The following KANK1 variants were observed in gnomAD, a reference collection of about 807,000 sequenced individuals.
KANK1 encodes KN motif and ankyrin repeat domain-containing protein 1.
A neutral mutation model predicts 106.2 loss-of-function variants in KANK1; 109 were observed. The observed-to-expected ratio is 1.03, with a 90% CI of 0.88 to 1.20. The LOEUF is 1.20. Among genes scored for constraint, KANK1 ranks in the 50% most tolerant of loss-of-function variants. The probability of loss-of-function intolerance (pLI) is 0.00; values close to 1 mark genes in which losing one functional copy is unlikely to be tolerated. For missense variants in KANK1, 2,399 were observed against 1,710.7 expected (o/e 1.40, Z -7.10); for synonymous variants, 873 against 652.2 (o/e 1.34, Z -5.16).
chr9:624,267 T>G (rs1266757330), intron 1 of KANK1, among the ~76,000 whole-genome samples: 1 of 152,158 alleles, frequency 6.6e-6, no homozygotes, highest in African/African-American at 2.4e-5. Flanking sequence ...GGTACAAGCT[T>G]TCATTTATAA....
intron 2 of KANK1, among the ~76,000 whole-genome samples, chr9:679,025 C>A (rs1275113325): frequency 1.3e-5 from 2 of 152,156 alleles, no homozygotes; most frequent in South Asian, 2.1e-4. Flanking sequence ...TCTGTACTTA[C>A]CTTTTTTCTT....
rs548186599 is a variant in KANK1, at chr9:662,864, G to C, written c.-83-14026G>C. ...TTTAGTAGAGATGGGGTTTCACCTT[G>C]TTGGCCAGGTTGGTCTCAAACTCCT... On this transcript the variant is annotated intron_variant, in intron 1 of 11. Coordinates refer to ENST00000382297, the MANE Select transcript of KANK1 (RefSeq NM_015158.5). 7.5e-4 allele frequency among the ~76,000 whole-genome samples: 114 copies of C among 152,176 alleles called. 1 individual carries two copies. The highest frequency in any genetic ancestry group is 2.7e-3 in the African/African-American group (110 of 41,490).
chr9:608,005 C>G (rs533316066), intron 1 of KANK1, among the ~76,000 whole-genome samples: 5 of 145,674 alleles, frequency 3.4e-5, no homozygotes, highest in South Asian at 2.1e-4. Context: ...GACTAAAAAA[C>G]TTTCAGAATT....
chr9:539,086 G>A (rs2060452786), intron 1 of KANK1, among the ~76,000 whole-genome samples: 1 of 152,096 alleles, frequency 6.6e-6, no homozygotes, highest in Admixed American at 6.5e-5. Context: ...TCACCATGTT[G>A]GCCCAGCTGG....
At chr9:633,695 C>T (rs1189697311) in intron 1 of KANK1, among the ~76,000 whole-genome samples, 1 of 152,176 alleles carries the variant, frequency 6.6e-6, no homozygotes, top group Non-Finnish European at 1.5e-5. Context: ...CTTTGTCACC[C>T]AGGCTAGTGT....
At chr9:549,757 T>A (rs1308263937) in intron 1 of KANK1, 1 of 152,290 alleles carries the variant, frequency 6.6e-6, no homozygotes, top group African/African-American at 2.4e-5. Flanking sequence ...ATAGGAACTA[T>A]GAAGCGGGGT....
intron 1 of KANK1, among the ~76,000 whole-genome samples, chr9:607,118 C>T (rs1829400155): frequency 6.6e-6 from 1 of 151,796 alleles, no homozygotes; most frequent in African/African-American, 2.4e-5. Flanking sequence ...TCACCTTCCT[C>T]AATTCCTTTG....
chr9:625,296 A>G (rs1472616460), intron 1 of KANK1, among the ~76,000 whole-genome samples: 1 of 152,204 alleles, frequency 6.6e-6, no homozygotes, highest in Non-Finnish European at 1.5e-5. Context: ...AAAACCGTTA[A>G]GTATTTATCT....
At chr9:646,334 TA>T (rs201022150) in intron 1 of KANK1, among the ~76,000 whole-genome samples, 2,442 of 148,386 alleles carry the variant, frequency 0.016, 203 homozygotes, top group Middle Eastern at 0.052. Flanking sequence ...TATATCTACC[TA>T]AAAAAAAAAT....
At chr9:630,971 C>G (rs1481344171) in intron 1 of KANK1, among the ~76,000 whole-genome samples, 7 of 151,974 alleles carry the variant, frequency 4.6e-5, no homozygotes, top group South Asian at 4.1e-4. Flanking sequence ...CAAAACAAAA[C>G]AAAAAGTGCT....
chr9:711,255 A>G lies in KANK1; in HGVS notation c.489A>G (p.Arg163=), dbSNP rs1825983263. Residue 163 remains arginine, a synonymous_variant, in exon 3 of 12, where the codon AGA becomes AGG. Coordinates refer to ENST00000382297, the MANE Select transcript of KANK1 (RefSeq NM_015158.5). The part of the protein sequence containing the change: ...HVTKTLMETR[R]RLEQERATMQ... The stretch of plus-strand genomic sequence containing the variant: ...CCAAGACACTGATGGAGACCCGGAG[A>G]AGACTGGAACAGGAGAGAGCCACCA... The G allele has an allele frequency of 6.2e-7, 1 of 1,614,104 alleles. No homozygotes were observed. The highest frequency in any genetic ancestry group is 8.5e-7 in the Non-Finnish European group (1 of 1,180,036).
At position 594,357 on chromosome 9, in the gene KANK1, T is replaced by G. The variant is rs539125784; in HGVS notation, c.-83-82533T>G. Among the ~76,000 whole-genome samples the G allele has an allele frequency of 3.3e-3, 506 of 151,932 alleles. 5 individuals carry two copies. The highest frequency in any genetic ancestry group is 5.5e-3 in the Non-Finnish European group (374 of 68,016). Reference sequence around the variant, plus strand: ...TGATTGACAGAGGCTGGCTGGAGATTTACATTGAGAATAACTCGTTCTTCA... The same window carrying G: ...TGATTGACAGAGGCTGGCTGGAGATGTACATTGAGAATAACTCGTTCTTCA... On this transcript the variant is annotated intron_variant, in intron 1 of 11. Transcript: ENST00000382297.
chr9:609,984 G>A (rs1214060711), intron 1 of KANK1, among the ~76,000 whole-genome samples: 1 of 151,992 alleles, frequency 6.6e-6, no homozygotes, highest in Non-Finnish European at 1.5e-5. Flanking sequence ...GAGGTGTCAG[G>A]ACTTTCCACT....
chr9:576,987 G>C (rs191558598), intron 1 of KANK1, among the ~76,000 whole-genome samples: 15 of 152,294 alleles, frequency 9.8e-5, no homozygotes, highest in Admixed American at 9.8e-4. Context: ...TGTTCCTTCA[G>C]ATGTTCAGAT....
chr9:619,622 C>G (rs1400033247), intron 1 of KANK1, among the ~76,000 whole-genome samples: 1 of 152,078 alleles, frequency 6.6e-6, no homozygotes, highest in South Asian at 2.1e-4. Context: ...TGATGATCCA[C>G]AAGAAAGTTT....
At chr9:732,743 A>G (rs1832664496) in intron 6 of KANK1, 126 bp downstream of exon 6, 2 of 1,013,678 alleles carry the variant, frequency 2.0e-6, no homozygotes, top group East Asian at 2.5e-5. Flanking sequence ...AGGTATACAC[A>G]TCTTGAGATA....
intron 1 of KANK1, among the ~76,000 whole-genome samples, chr9:612,513 T>C (rs1044755881): frequency 1.3e-5 from 2 of 152,200 alleles, no homozygotes; most frequent in African/African-American, 4.8e-5. Context: ...TTTATGCCTT[T>C]TGCTAAAACA....
intron 3 of KANK1, among the ~76,000 whole-genome samples, chr9:474,463 A>G (rs984711411): frequency 3.3e-5 from 5 of 152,250 alleles, no homozygotes; most frequent in Non-Finnish European, 5.9e-5. Context: ...GAAATGATGC[A>G]TGTGAAAAAC....
chr9:675,994 CTGG>C (rs2138840875), intron 1 of KANK1, among the ~76,000 whole-genome samples: 1 of 152,238 alleles, frequency 6.6e-6, no homozygotes, highest in South Asian at 2.1e-4. Context: ...TGTCCTGCTG[CTGG>C]TGGGAATGTT....
Sources: allele counts gnomAD v4.1 joint callset (sites outside exome capture counted in the v4.1 genomes callset), GRCh38; gene constraint gnomAD v4.1.1; transcripts MANE v1.5; gene names NCBI Gene and HGNC (gene_info 2026-07-23, HGNC 2026-07-21).